HDAC1: variants seen among roughly 807,000 people sequenced by gnomAD.
HDAC1 encodes the protein protein deacetylase HDAC1.
HDAC1 carries 18 observed loss-of-function variants against 65.5 expected under a neutral mutation model. The ratio of observed to expected loss-of-function variants is 0.27; its 90% CI spans 0.19 to 0.41. The LOEUF is 0.41. Among genes scored for constraint, HDAC1 ranks in the 10% least tolerant of loss-of-function variants. The pLI is 1.00. For missense variants in HDAC1, 373 were observed against 625.2 expected (o/e 0.60, Z 4.30); for synonymous variants, 211 against 227.9 (o/e 0.93, Z 0.67).
intron 2 of HDAC1, among the ~76,000 whole-genome samples, chr1:32,310,116 C>T (rs866810529): frequency 2.0e-5 from 3 of 152,162 alleles, no homozygotes; most frequent in Non-Finnish European, 4.4e-5. Context: ...GGCAGTTGGG[C>T]CCAAATTCCC....
At chr1:32,296,576 G>A (rs371504770) in intron 1 of HDAC1, among the ~76,000 whole-genome samples, 5 of 152,172 alleles carry the variant, frequency 3.3e-5, no homozygotes, top group South Asian at 4.1e-4. Context: ...ACAGGATTTC[G>A]CCATGTTGCC....
intron 1 of HDAC1, among the ~76,000 whole-genome samples, chr1:32,298,933 G>A (rs1371446933): frequency 6.6e-6 from 1 of 152,172 alleles, no homozygotes; most frequent in African/African-American, 2.4e-5. Context: ...GGGAGGCAGA[G>A]GTTGCAGTGA....
intron 2 of HDAC1, 101 bp downstream of exon 2, chr1:32,302,834 T>C (rs965126017): frequency 1.6e-5 from 11 of 705,644 alleles, no homozygotes; most frequent in Middle Eastern, 2.7e-4. Context: ...CACTCATTCA[T>C]CAAATGCATG....
chr1:32,318,574 G>T (rs1181370040), intron 3 of HDAC1, among the ~76,000 whole-genome samples: 1 of 151,120 alleles, frequency 6.6e-6, no homozygotes, highest in Non-Finnish European at 1.5e-5. Context: ...AAAGACATTA[G>T]TGCCTATTTC....
chr1:32,320,496 T>C (rs188055044), intron 3 of HDAC1, among the ~76,000 whole-genome samples: 75 of 152,324 alleles, frequency 4.9e-4, no homozygotes, highest in Admixed American at 2.5e-3. Flanking sequence ...TCATCCATTT[T>C]ACAGACATGT....
At position 32,331,003 on chromosome 1, in the gene HDAC1, C is replaced by G; in HGVS notation, c.979+95C>G. On this transcript the variant is annotated intron_variant, in intron 9 of 13. Coordinates refer to ENST00000373548, the MANE Select transcript of HDAC1 (RefSeq NM_004964.3). The surrounding 1 kb of genome is among the most constrained non-coding windows in gnomAD (Gnocchi z 4.2). Reference sequence around the variant, plus strand: ...ACCCCTTCCCCGTTGGTCATATGACCGCTCCTCTTCTGATACTAGTCACTG... The same window carrying G: ...ACCCCTTCCCCGTTGGTCATATGACGGCTCCTCTTCTGATACTAGTCACTG... The G allele has an allele frequency of 9.0e-7, 1 of 1,113,908 alleles. No homozygotes were observed. The highest frequency in any genetic ancestry group is 1.3e-6 in the Non-Finnish European group (1 of 749,314). The allele number at this position is 1,113,908 out of a possible 1,614,324, so 69.0% of individuals were successfully genotyped here. A position where few individuals can be genotyped will look rare whatever the true frequency, so the allele number is the denominator to read the frequency against.
intron 2 of HDAC1, among the ~76,000 whole-genome samples, chr1:32,307,903 A>T (rs1433185918): frequency 6.6e-6 from 1 of 152,244 alleles, no homozygotes; most frequent in East Asian, 1.9e-4. Flanking sequence ...GAAAAGCTCT[A>T]TACCTCTCTA....
intron 13 of HDAC1, 130 bp from the exon 14 acceptor site, chr1:32,332,887 G>A (rs967990034): frequency 4.9e-5 from 57 of 1,163,220 alleles, no homozygotes; most frequent in Non-Finnish European, 6.3e-6. Flanking sequence ...GTCCAGCTCT[G>A]CAGTTCTAGG....
At chr1:32,321,987 T>TG (rs1381242397) in intron 3 of HDAC1, among the ~76,000 whole-genome samples, 1 of 152,156 alleles carries the variant, frequency 6.6e-6, no homozygotes, top group South Asian at 2.1e-4. Flanking sequence ...CATGCAGCCA[T>TG]GCTTCTTCCT....
Position 32,329,433 on chromosome 1 carries a change from T to C in HDAC1, c.729+273T>C. On this transcript the variant is annotated intron_variant, in intron 7 of 13. Transcript: ENST00000373548. This position sits in a 1 kb window ranked among gnomAD's most constrained non-coding sequence, Gnocchi z 4.1. ...GACTATGGTGGGGAAGGCAGGCACA[T>C]ACCCAGTAGTCTATGATTAGTACTG... 1.8e-6 allele frequency: 1 copy of C among 558,580 alleles called. No individual in the cohort carries two copies. Among genetic ancestry groups the C allele is most frequent in the South Asian group, 2.1e-5 (1 of 47,518 alleles). 34.6% of individuals were successfully genotyped at this position (558,580 alleles called of 1,614,324 possible).
At chr1:32,309,659 C>T (rs958317916) in intron 2 of HDAC1, among the ~76,000 whole-genome samples, 2 of 148,794 alleles carry the variant, frequency 1.3e-5, no homozygotes, top group African/African-American at 5.0e-5. Flanking sequence ...TGTACTCCAG[C>T]CTGGGCAACA....
intron 2 of HDAC1, among the ~76,000 whole-genome samples, chr1:32,311,220 C>T (rs116525735): frequency 7.6e-4 from 115 of 152,162 alleles, no homozygotes; most frequent in African/African-American, 2.6e-3. Context: ...GTAACCCTGG[C>T]GCTTTGGGAA....
chr1:32,325,908 T>G (rs1173881405), intron 4 of HDAC1, among the ~76,000 whole-genome samples: 1 of 151,962 alleles, frequency 6.6e-6, no homozygotes, highest in Non-Finnish European at 1.5e-5. Flanking sequence ...GTGCCTGTAA[T>G]CCCAGCTACT....
intron 12 of HDAC1, 21 bp from the exon 13 acceptor site, chr1:32,332,680 C>T: frequency 6.5e-7 from 1 of 1,550,336 alleles, no homozygotes; most frequent in Non-Finnish European, 8.7e-7. Flanking sequence ...CCTTGGCCAT[C>T]CCTGTACTCT....
chr1:32,312,929 G>A (rs1641009592), intron 2 of HDAC1, among the ~76,000 whole-genome samples: 1 of 152,044 alleles, frequency 6.6e-6, no homozygotes, highest in Non-Finnish European at 1.5e-5. Context: ...TCCCACCTCG[G>A]CCTCCCAAAA....
intron 2 of HDAC1, among the ~76,000 whole-genome samples, chr1:32,309,760 A>T (rs1640965208): frequency 6.6e-6 from 1 of 151,562 alleles, no homozygotes; most frequent in African/African-American, 2.4e-5. Context: ...GTGAGATTAT[A>T]ATGCACTATA....
At chr1:32,309,115 A>G (rs996650999) in intron 2 of HDAC1, among the ~76,000 whole-genome samples, 1 of 152,142 alleles carries the variant, frequency 6.6e-6, no homozygotes, top group African/African-American at 2.4e-5. Flanking sequence ...CCCAGCCAAG[A>G]GTTCATTTGT....
In HDAC1 at chr1:32,329,229, C is replaced by A; in HGVS notation, c.729+69C>A. 1 of 889,366 alleles carries A rather than the reference C, an allele frequency of 1.1e-6. No individual in the cohort carries two copies. The highest frequency in any genetic ancestry group is 1.9e-6 in the Non-Finnish European group (1 of 518,974). 55.1% of individuals were successfully genotyped at this position (889,366 alleles called of 1,614,324 possible). A position where few individuals can be genotyped will look rare whatever the true frequency, so the allele number is the denominator to read the frequency against. ...GTTGGCGGTGGAGGGGAGCAAAGCA[C>A]CCCCACCATACCTCAGGAATCTCTC... On this transcript the variant is annotated intron_variant, in intron 7 of 13. Transcript: ENST00000373548. The surrounding 1 kb of genome is among the most constrained non-coding windows in gnomAD (Gnocchi z 4.1).
In HDAC1 at chr1:32,331,756, C is replaced by T. The variant is rs1320023879; in HGVS notation, c.1169C>T (p.Pro390Leu). 2 of 1,614,090 alleles carry T rather than the reference C, an allele frequency of 1.2e-6. No homozygotes were observed. Among genetic ancestry groups the T allele is most frequent in the Middle Eastern group, 3.3e-4 (2 of 6,060 alleles). ...QMQAIPEDAIPEESGDEDEDD... is the reference protein window; with the variant it reads ...QMQAIPEDAILEESGDEDEDD... The stretch of plus-strand genomic sequence containing the variant: ...CAGGCGATTCCTGAGGACGCCATCC[C>T]TGAGGAGAGTGGCGATGAGGACGAA... The change falls in exon 11 of 14, where the codon CCT (proline) becomes CTT (leucine). Residue 390 changes from proline (P) to leucine (L), a missense_variant. Pro to Leu is a moderately conservative substitution (Grantham distance 98). Transcript: ENST00000373548. This position sits in a 1 kb window ranked among gnomAD's most constrained non-coding sequence, Gnocchi z 4.2.
Sources: allele counts gnomAD v4.1 joint callset (sites outside exome capture counted in the v4.1 genomes callset), GRCh38; gene constraint gnomAD v4.1.1; non-coding constraint Gnocchi (gnomAD v3.1); transcripts MANE v1.5; gene names NCBI Gene and HGNC (gene_info 2026-07-23, HGNC 2026-07-21).